The following AARS2 variants were observed in gnomAD, a reference collection of about 807,000 sequenced individuals.
The protein encoded by AARS2 is alanine--tRNA ligase, mitochondrial.
A neutral mutation model predicts 119.7 loss-of-function variants in AARS2; 78 were observed. That is an observed-to-expected ratio of 0.65 (90% confidence interval 0.54 to 0.79). The LOEUF is 0.79. Among genes scored for constraint, AARS2 ranks in the 30% least tolerant of loss-of-function variants. The pLI is 0.00. For synonymous variants in AARS2, 502 were observed against 526.3 expected (o/e 0.95, Z 0.63); for missense variants, 1,157 against 1,291.3 (o/e 0.90, Z 1.59).
Position 44,303,085 on chromosome 6 carries a change from CAG to C in AARS2, c.2234_2235del (p.Ser745CysfsTer60), listed in dbSNP as rs2153354050. 1 of 1,614,098 alleles carries C rather than the reference CAG, an allele frequency of 6.2e-7. No individual in the cohort carries two copies. The highest frequency in any genetic ancestry group is 1.1e-5 in the South Asian group (1 of 91,086). Reference sequence around the variant, plus strand: ...ACTCACGTCCCACAGCATAGCTCCACAGAGGTCTGCAGTGCGGCTTGGGAGGC... The same window carrying C: ...ACTCACGTCCCACAGCATAGCTCCACAGGTCTGCAGTGCGGCTTGGGAGGC... Reference protein sequence around the residue: ...DPASQAALQTSVELCCGTHLL... With the variant: ...DPASQAALQTXVELCCGTHLL... On this transcript the variant is annotated frameshift_variant, in exon 16 of 22. Transcript: ENST00000244571. LOFTEE classifies it high-confidence loss of function.
In AARS2 at chr6:44,300,632, C is replaced by T. The variant is rs755585135; in HGVS notation, c.2873G>A (p.Arg958Gln). ...SHMGGKAWGS[R>Q]VVAQGTGSTT... The stretch of plus-strand genomic sequence containing the variant: ...GCTTCCGGTGCCTTGGGCCACCACT[C>T]GTGAGCCCCACGCCTTGCCCCCCAT... The change falls in exon 22 of 22, where the codon CGA (arginine) becomes CAA (glutamine). Residue 958 changes from arginine (R) to glutamine (Q), a missense_variant. Transcript: ENST00000244571. The T allele has an allele frequency of 1.1e-5, 17 of 1,613,864 alleles. No homozygotes were observed. The highest frequency in any genetic ancestry group is 1.6e-4 in the Middle Eastern group (1 of 6,084).
Position 44,305,159 on chromosome 6 carries a change from A to G in AARS2, c.1474T>C (p.Leu492=), listed in dbSNP as rs141076788. The part of the protein sequence containing the change: ...RQAEPVQKQG[L]WLDVHALGEL... ...CCAAGCGCATGGACATCAAGCCACA[A>G]TCCCTGCTTCTGAACTGGCTCAGCC... Residue 492 remains leucine (L), a synonymous_variant, in exon 11 of 22, where the codon TTG becomes CTG. Coordinates refer to ENST00000244571, the MANE Select transcript of AARS2 (RefSeq NM_020745.4). This position sits in a 1 kb window ranked among gnomAD's most constrained non-coding sequence, Gnocchi z 4.6. The G allele has an allele frequency of 6.4e-5, 103 of 1,613,422 alleles. No homozygotes were observed. Among genetic ancestry groups the G allele is most frequent in the Non-Finnish European group, 8.3e-5 (98 of 1,180,024 alleles).
chr6:44,312,511 T>C lies in AARS2; in HGVS notation c.244-248A>G, dbSNP rs540150420. Among the ~76,000 whole-genome samples, 7 of 152,008 alleles carry C rather than the reference T, an allele frequency of 4.6e-5. No individual in the cohort carries two copies. The South Asian group carries it at 1.5e-3, about 32-fold the overall frequency. ...CCTCTGCCTAGTAAAATAGGCAAGGTAAAAGAAGGAGGAATGTGTTGGGAG... is the reference window on the plus strand; with the variant it reads ...CCTCTGCCTAGTAAAATAGGCAAGGCAAAAGAAGGAGGAATGTGTTGGGAG... On this transcript the variant is annotated intron_variant, in intron 1 of 21. Coordinates refer to ENST00000244571, the MANE Select transcript of AARS2 (RefSeq NM_020745.4).
In AARS2 at chr6:44,301,414, C is replaced by G; in HGVS notation, c.2649G>C (p.Leu883=). 1 of 1,614,000 alleles carries G rather than the reference C, an allele frequency of 6.2e-7. No individual in the cohort carries two copies. Among genetic ancestry groups the G allele is most frequent in the Non-Finnish European group, 8.5e-7 (1 of 1,180,040 alleles). Residue 883 remains leucine, a synonymous_variant, in exon 20 of 22, where the codon CTG becomes CTC. Transcript: ENST00000244571. The part of the protein sequence containing the change: ...ELLERHSKGP[L]IVDTVSAESL... Reference sequence around the variant, plus strand: ...ACTCAGCAGAGACTGTGTCCACAATCAGAGGCCCCTTCGAGTGCCGCTCCA... The same window carrying G: ...ACTCAGCAGAGACTGTGTCCACAATGAGAGGCCCCTTCGAGTGCCGCTCCA...
chr6:44,305,329 G>T lies in AARS2; in HGVS notation c.1435-131C>A. The T allele has an allele frequency of 7.0e-7, 1 of 1,423,222 alleles. No individual in the cohort carries two copies. Among genetic ancestry groups the T allele is most frequent in the Non-Finnish European group, 9.7e-7 (1 of 1,034,286 alleles). 88.2% of individuals were successfully genotyped at this position (1,423,222 alleles called of 1,614,324 possible). A position where few individuals can be genotyped will look rare whatever the true frequency, so the allele number is the denominator to read the frequency against. ...GCAGCCCTTCTGGAATAAGAACTCA[G>T]GGCTTGGCTGGCTGCTAGAGCCCCT... is the stretch of plus-strand genomic sequence containing the variant. On this transcript the variant is annotated intron_variant, in intron 10 of 21. Coordinates refer to ENST00000244571, the MANE Select transcript of AARS2 (RefSeq NM_020745.4). The surrounding 1 kb of genome is among the most constrained non-coding windows in gnomAD (Gnocchi z 4.6).
At chr6:44,303,902 CAAGG>C (rs1477817274) in intron 14 of AARS2, among the ~76,000 whole-genome samples, 1 of 152,108 alleles carries the variant, frequency 6.6e-6, no homozygotes, top group African/African-American at 2.4e-5. Context: ...ACAGTAGAAA[CAAGG>C]AAGGGGAGCG....
In AARS2 at chr6:44,300,714, AG is replaced by A; in HGVS notation, c.2794-4del. ...GCTGTGAAGGTGGGCATGGCACCCTAGGAACAGAATCAGAAGAGGAAGCGAT... is the reference window on the plus strand; with the variant it reads ...GCTGTGAAGGTGGGCATGGCACCCTAGAACAGAATCAGAAGAGGAAGCGAT... On this transcript the variant is annotated splice_polypyrimidine_tract_variant and splice_region_variant and intron_variant, in intron 21 of 21. Transcript: ENST00000244571. The A allele has an allele frequency of 6.2e-7, 1 of 1,612,162 alleles. No individual in the cohort carries two copies. The highest frequency in any genetic ancestry group is 1.1e-5 in the South Asian group (1 of 91,088).
In AARS2 at chr6:44,302,926, G is replaced by A. The variant is rs752002295; in HGVS notation, c.2256-16C>T. 9.9e-6 allele frequency: 16 copies of A among 1,612,790 alleles called. No individual in the cohort carries two copies. In the East Asian group the frequency reaches 1.8e-4, roughly 18 times the overall value. On this transcript the variant is annotated splice_polypyrimidine_tract_variant and intron_variant, in intron 16 of 21. Transcript: ENST00000244571. ...TAACAGGTGCCTGTGGGAGGAAGGA[G>A]TGAACAGAAAGTCGGGGCATGACAG...
At position 44,300,340 on chromosome 6, in the gene AARS2, G is replaced by A; in HGVS notation, c.*207C>T. Reference sequence around the variant, plus strand: ...TTGTCCATGTCTTCTCTTTCACCAAGGGGGTGTGTGTCTTTGGGCCCAGTT... The same window carrying A: ...TTGTCCATGTCTTCTCTTTCACCAAAGGGGTGTGTGTCTTTGGGCCCAGTT... On this transcript the variant is annotated 3_prime_UTR_variant, in exon 22 of 22. Coordinates refer to ENST00000244571, the MANE Select transcript of AARS2 (RefSeq NM_020745.4). 1 of 652,272 alleles carries A rather than the reference G, an allele frequency of 1.5e-6. No homozygotes were observed. The highest frequency in any genetic ancestry group is 2.7e-6 in the Non-Finnish European group (1 of 373,090). The allele number at this position is 652,272 out of a possible 1,614,324, so 40.4% of individuals were successfully genotyped here. A position where few individuals can be genotyped will look rare whatever the true frequency, so the allele number is the denominator to read the frequency against.
At chr6:44,301,958 T>G in intron 19 of AARS2, 102 bp downstream of exon 19, 1 of 1,240,370 alleles carries the variant, frequency 8.1e-7, no homozygotes, top group Non-Finnish European at 1.1e-6. Flanking sequence ...ACCCCGTCCT[T>G]GCACAGCCTC....
chr6:44,307,245 T>C lies in AARS2; in HGVS notation c.1040+4A>G. The C allele has an allele frequency of 6.2e-7, 1 of 1,613,748 alleles. No homozygotes were observed. The highest frequency in any genetic ancestry group is 1.1e-5 in the South Asian group (1 of 91,008). On this transcript the variant is annotated splice_donor_region_variant and intron_variant, in intron 6 of 21. Coordinates refer to ENST00000244571, the MANE Select transcript of AARS2 (RefSeq NM_020745.4). This position sits in a 1 kb window ranked among gnomAD's most constrained non-coding sequence, Gnocchi z 4.4. ...TGTCCTCTCTGTAGCCCTTCCAGAC[T>C]CACGGGGGACCTGACATCCCAGGGA...
rs762030984 is a variant in AARS2 at position 44,304,225 on chromosome 6, A to T, written c.1963T>A (p.Ser655Thr). ...CGCAGCTGCTCAGGATTGAGATGGG[A>T]GCCCTGCTGCTCTGTGCCAGGGCCC... ...TLGPGTEQQG[S>T]HLNPEQLRLD... The change falls in exon 14 of 22, where the codon TCC (serine) becomes ACC (threonine). Residue 655 changes from serine to threonine, a missense_variant. By Grantham distance (58) the Ser-to-Thr change is moderately conservative (BLOSUM62 1). Transcript: ENST00000244571. 1.2e-6 allele frequency: 2 copies of T among 1,613,856 alleles called. No homozygotes were observed. Among genetic ancestry groups the T allele is most frequent in the Non-Finnish European group, 1.7e-6 (2 of 1,179,994 alleles).
intron 9 of AARS2, 93 bp downstream of exon 9, chr6:44,306,187 T>C: frequency 8.5e-7 from 1 of 1,177,716 alleles, no homozygotes; most frequent in Non-Finnish European, 1.3e-6. Context: ...CAGGGGTGGA[T>C]ATGAGGCATG....
At position 44,311,217 on chromosome 6, in the gene AARS2, C is replaced by T; in HGVS notation, c.582-56G>A. On this transcript the variant is annotated intron_variant, in intron 3 of 21. Coordinates refer to ENST00000244571, the MANE Select transcript of AARS2 (RefSeq NM_020745.4). ...ACAGACAGACCCAGAAGCTGGGACTCTCTCTGCCATGAGAGCCCCTCCCTC... is the reference window on the plus strand; with the variant it reads ...ACAGACAGACCCAGAAGCTGGGACTTTCTCTGCCATGAGAGCCCCTCCCTC... 4.3e-6 allele frequency: 7 copies of T among 1,609,300 alleles called. No individual in the cohort carries two copies. In the South Asian group the frequency reaches 6.6e-5, roughly 15 times the overall value.
chr6:44,304,906 C>A, intron 11 of AARS2, 89 bp from the exon 12 acceptor site: 1 of 1,607,314 alleles, frequency 6.2e-7, no homozygotes, highest in Non-Finnish European at 8.5e-7. Context: ...AGCACCCCCG[C>A]TGGCAGGGGC....
At chr6:44,304,095 C>G (rs1785609393) in intron 14 of AARS2, 86 bp downstream of exon 14, 1 of 1,596,292 alleles carries the variant, frequency 6.3e-7, no homozygotes, top group African/African-American at 1.3e-5. Context: ...GAGCCCAGGA[C>G]TCTAAGGGCA....
At position 44,304,667 on chromosome 6, in the gene AARS2, T is replaced by C. The variant is rs1292484431; in HGVS notation, c.1730A>G (p.Tyr577Cys). ...EQGGQASDRG[Y>C]LVRAGQEDVL... ...CACCTCTTGCCCTGCCCGCACCAGG[T>C]AGCCACGGTCTGAAGCCTGGCCCCC... The change falls in exon 12 of 22, where the codon TAC becomes TGC. Residue 577 changes from tyrosine to cysteine, a missense_variant. Transcript: ENST00000244571. The C allele has an allele frequency of 1.2e-6, 2 of 1,614,208 alleles. No homozygotes were observed. The highest frequency in any genetic ancestry group is 1.7e-6 in the Non-Finnish European group (2 of 1,180,042).
rs1449780678 is a variant in AARS2 at position 44,312,052 on chromosome 6, A to G, written c.435+20T>C. 1.2e-6 allele frequency: 2 copies of G among 1,612,742 alleles called. No individual in the cohort carries two copies. Among genetic ancestry groups the G allele is most frequent in the South Asian group, 2.2e-5 (2 of 91,046 alleles). Reference sequence around the variant, plus strand: ...AAATTGACTCCCTTCTTGGCTGATCACTGATCCCCAGAGACTCACCTTAAA... The same window carrying G: ...AAATTGACTCCCTTCTTGGCTGATCGCTGATCCCCAGAGACTCACCTTAAA... On this transcript the variant is annotated intron_variant, in intron 2 of 21. Transcript: ENST00000244571.
chr6:44,312,121 G>A lies in AARS2; in HGVS notation c.386C>T (p.Thr129Ile), dbSNP rs1226797074. ...EDVGRDLSHH[T>I]FFEMLGNWAF... ...CCAATTGCCAAGCATTTCAAAGAAGGTATGATGGGAAAGGTCTCGACCCAC... is the reference window on the plus strand; with the variant it reads ...CCAATTGCCAAGCATTTCAAAGAAGATATGATGGGAAAGGTCTCGACCCAC... The change falls in exon 2 of 22, where the codon ACC becomes ATC. Residue 129 changes from threonine to isoleucine, a missense_variant. Transcript: ENST00000244571. 1 of 1,614,234 alleles carries A rather than the reference G, an allele frequency of 6.2e-7. No homozygotes were observed. Among genetic ancestry groups the A allele is most frequent in the African/African-American group, 1.3e-5 (1 of 75,056 alleles).
Sources: allele counts gnomAD v4.1 joint callset (sites outside exome capture counted in the v4.1 genomes callset), GRCh38; gene constraint gnomAD v4.1.1; non-coding constraint Gnocchi (gnomAD v3.1); transcripts MANE v1.5; gene names NCBI Gene and HGNC (gene_info 2026-07-23, HGNC 2026-07-21).